The following CRYBG1 variants were observed in gnomAD, a reference collection of about 807,000 sequenced individuals.
The protein encoded by CRYBG1 is beta/gamma crystallin domain-containing protein 1.
A neutral mutation model predicts 189.2 loss-of-function variants in CRYBG1; 139 were observed. The observed-to-expected ratio is 0.73, with a 90% CI of 0.64 to 0.85. CRYBG1 has a LOEUF of 0.85. CRYBG1 is among the 40% of genes least tolerant of loss of function. CRYBG1 has a pLI of 0.00. For missense variants in CRYBG1, 2,611 were observed against 2,675.8 expected (o/e 0.98, Z 0.53); for synonymous variants, 1,023 against 1,017.1 (o/e 1.01, Z -0.11).
chr6:106,419,996 A>G (rs1361169855), intron 1 of CRYBG1, among the ~76,000 whole-genome samples: 1 of 152,250 alleles, frequency 6.6e-6, no homozygotes, highest in Non-Finnish European at 1.5e-5. Context: ...TGAATCTAGC[A>G]GATGAGAAAC....
At chr6:106,522,258 C>T (rs773989538) in intron 4 of CRYBG1, among the ~76,000 whole-genome samples, 22 of 152,186 alleles carry the variant, frequency 1.4e-4, no homozygotes, top group Admixed American at 5.9e-4. Flanking sequence ...GTGAGATTCA[C>T]TCTTTGTTCC....
At chr6:106,388,687 C>T (rs987749061) in intron 1 of CRYBG1, among the ~76,000 whole-genome samples, 1 of 152,124 alleles carries the variant, frequency 6.6e-6, no homozygotes, top group African/African-American at 2.4e-5. Flanking sequence ...ATGAATTATG[C>T]TTTTTACTTT....
At chr6:106,438,684 C>T (rs907527833) in intron 1 of CRYBG1, among the ~76,000 whole-genome samples, 1 of 151,748 alleles carries the variant, frequency 6.6e-6, no homozygotes, top group Non-Finnish European at 1.5e-5. Flanking sequence ...GGTATTTCTT[C>T]GGTTGATCAA....
intron 1 of CRYBG1, among the ~76,000 whole-genome samples, chr6:106,367,668 T>TA (rs1156288457): frequency 6.6e-6 from 1 of 151,592 alleles, no homozygotes; most frequent in African/African-American, 2.4e-5. Flanking sequence ...CTTTTGATTA[T>TA]AAATCTTATT....
chr6:106,381,856 T>C (rs1770296116), intron 1 of CRYBG1, among the ~76,000 whole-genome samples: 1 of 152,232 alleles, frequency 6.6e-6, no homozygotes, highest in Non-Finnish European at 1.5e-5. Flanking sequence ...TCCCAGGCTA[T>C]ATTATCTTGA....
At chr6:106,404,305 T>C (rs1466992083) in intron 1 of CRYBG1, among the ~76,000 whole-genome samples, 1 of 152,218 alleles carries the variant, frequency 6.6e-6, no homozygotes, top group Non-Finnish European at 1.5e-5. Flanking sequence ...TACATGTGCA[T>C]GAAAAATTAA....
At chr6:106,402,203 G>A (rs1408053663) in intron 1 of CRYBG1, among the ~76,000 whole-genome samples, 2 of 115,968 alleles carry the variant, frequency 1.7e-5, no homozygotes, top group Non-Finnish European at 3.5e-5. Flanking sequence ...AATCAATATC[G>A]TGAAAATGGC....
At chr6:106,437,884 A>T (rs1016117477) in intron 1 of CRYBG1, among the ~76,000 whole-genome samples, 2 of 152,210 alleles carry the variant, frequency 1.3e-5, no homozygotes, top group South Asian at 4.1e-4. Flanking sequence ...ATATGGTATA[A>T]CTTGGCTGGG....
At chr6:106,475,547 C>T (rs1344457193) in intron 2 of CRYBG1, among the ~76,000 whole-genome samples, 1 of 152,116 alleles carries the variant, frequency 6.6e-6, no homozygotes, top group Non-Finnish European at 1.5e-5. Flanking sequence ...GACAGGCAAG[C>T]ACTACGTGTG....
chr6:106,506,708 C>T (rs1267084582), intron 2 of CRYBG1, among the ~76,000 whole-genome samples: 1 of 152,080 alleles, frequency 6.6e-6, no homozygotes, highest in African/African-American at 2.4e-5. Flanking sequence ...CCACCTCGGC[C>T]TCCCAAAATG....
In CRYBG1 at chr6:106,520,485, G is replaced by C. The variant is rs769462607; in HGVS notation, c.3277G>C (p.Gly1093Arg). The C allele has an allele frequency of 3.0e-5, 49 of 1,614,002 alleles. No individual in the cohort carries two copies. The highest frequency in any genetic ancestry group is 6.8e-6 in the Non-Finnish European group (8 of 1,180,032). Residue 1093 changes from glycine to arginine, a missense_variant, in exon 4 of 22, where the codon GGT (glycine) becomes CGT (arginine). Physicochemically the swap from Gly to Arg is moderately radical, Grantham distance 125. Transcript: ENST00000633556. ...SPASLLNISA[G>R]SDDSVFDSSS... ...TGCCAGCCTTTTGAACATTTCTGCT[G>C]GTAGTGATGATAGTGTATTTGATTC...
intron 2 of CRYBG1, among the ~76,000 whole-genome samples, chr6:106,498,571 A>G (rs1231181418): frequency 1.3e-5 from 2 of 152,210 alleles, no homozygotes; most frequent in Non-Finnish European, 2.9e-5. Context: ...TATCAGCATA[A>G]TGGAATTCAA....
At chr6:106,565,540 G>A (rs982235167) in intron 21 of CRYBG1, among the ~76,000 whole-genome samples, 3 of 152,084 alleles carry the variant, frequency 2.0e-5, no homozygotes, top group Admixed American at 6.6e-5. Flanking sequence ...CTGAGAAGTT[G>A]GAAAGATGCT....
intron 1 of CRYBG1, among the ~76,000 whole-genome samples, chr6:106,419,201 T>A (rs1771080706): frequency 6.6e-6 from 1 of 152,250 alleles, no homozygotes; most frequent in African/African-American, 2.4e-5. Flanking sequence ...TATCTATGTC[T>A]GCAGCTCAAT....
At chr6:106,367,703 C>T (rs1772033108) in intron 1 of CRYBG1, among the ~76,000 whole-genome samples, 1 of 151,628 alleles carries the variant, frequency 6.6e-6, no homozygotes, top group South Asian at 2.1e-4. Context: ...GTGGCTCATG[C>T]CTGTAATCCC....
At chr6:106,389,989 G>GC (rs1770470414) in intron 1 of CRYBG1, among the ~76,000 whole-genome samples, 1 of 151,960 alleles carries the variant, frequency 6.6e-6, no homozygotes, top group African/African-American at 2.4e-5. Flanking sequence ...GTAAACCTTT[G>GC]GAAAAATTGT....
At position 106,568,852 on chromosome 6, in the gene CRYBG1, A is replaced by ATGT; in HGVS notation, c.*288_*290dup. The ATGT allele has an allele frequency of 3.1e-6, 1 of 320,420 alleles. No individual in the cohort carries two copies. The allele number at this position is 320,420 out of a possible 1,614,324, so 19.8% of individuals were successfully genotyped here. On this transcript the variant is annotated 3_prime_UTR_variant, in exon 22 of 22. Coordinates refer to ENST00000633556, the MANE Select transcript of CRYBG1 (RefSeq NM_001371242.2). ...AGCAGCTTTTGGGTGATTTTGTAAA[A>ATGT]TGTTATATCAAGATTTCAAGACTGT...
At chr6:106,565,121 C>T (rs1193512986) in intron 21 of CRYBG1, among the ~76,000 whole-genome samples, 2 of 152,060 alleles carry the variant, frequency 1.3e-5, no homozygotes, top group East Asian at 3.9e-4. Context: ...AGATCGAGAC[C>T]ATCCTGGCTA....
chr6:106,543,449 T>TA lies in CRYBG1; in HGVS notation c.4892dup (p.Tyr1631Ter), dbSNP rs1562112332. Reference sequence around the variant, plus strand: ...CTCATTTCTATTGTAGGTAGTTGTTTATGAAAAGCCTTTCTTTGAAGGAAA... The same window carrying TA: ...CTCATTTCTATTGTAGGTAGTTGTTTAATGAAAAGCCTTTCTTTGAAGGAAA... ...EFPTDPKVVV[Y>*]EKPFFEGKCV... The change falls in exon 11 of 22, where the codon TAT (tyrosine) becomes TAAT (stop). Residue 1631 changes from tyrosine to a stop codon, truncating the protein, a stop_gained and frameshift_variant. Transcript: ENST00000633556. LOFTEE classifies it high-confidence loss of function. 1 of 1,613,284 alleles carries TA rather than the reference T, an allele frequency of 6.2e-7. No individual in the cohort carries two copies. Among genetic ancestry groups the TA allele is most frequent in the Non-Finnish European group, 8.5e-7 (1 of 1,179,324 alleles).
Sources: allele counts gnomAD v4.1 joint callset (sites outside exome capture counted in the v4.1 genomes callset), GRCh38; gene constraint gnomAD v4.1.1; transcripts MANE v1.5; gene names NCBI Gene and HGNC (gene_info 2026-07-23, HGNC 2026-07-21).